CROCC: variants seen among roughly 807,000 people sequenced by gnomAD.
The protein encoded by CROCC is rootletin.
CROCC carries 180 observed loss-of-function variants against 245.2 expected under a neutral mutation model. The observed-to-expected ratio is 0.73, with a 90% CI of 0.65 to 0.83. The LOEUF is 0.83. CROCC is among the 40% of genes least tolerant of loss of function. The pLI is 0.00. For missense variants in CROCC, 2,688 were observed against 2,779.4 expected, an observed-to-expected ratio of 0.97 and a Z score of 0.74; for synonymous variants, 1,205 against 1,241.6, an observed-to-expected ratio of 0.97 and a Z score of 0.62.
chr1:16,937,764 G>A, intron 10 of CROCC, 27 bp downstream of exon 10: 2 of 1,578,324 alleles, frequency 1.3e-6, no homozygotes, highest in East Asian at 2.2e-5. Flanking sequence ...CCTGAGATGG[G>A]GCAGGGTGAG....
intron 27 of CROCC, among the ~76,000 whole-genome samples, chr1:16,961,540 G>A (rs566743905): frequency 6.6e-6 from 1 of 152,060 alleles, no homozygotes; most frequent in South Asian, 2.1e-4. Flanking sequence ...TCAGGGTTGG[G>A]ATTAGAGGCA....
chr1:16,915,883 A>G (rs1184712914), intron 1 of CROCC, among the ~76,000 whole-genome samples: 1 of 152,258 alleles, frequency 6.6e-6, no homozygotes. Context: ...TGAGGAATCA[A>G]GAAGGCCATG....
Position 16,954,291 on chromosome 1 carries a change from G to A in CROCC, c.3255G>A (p.Leu1085=), listed in dbSNP as rs1286698132. ...SEKLMGTRHS[L]ATISLEMERQ... is the part of the protein sequence containing the mutation. ...AGTTGATGGGTACACGGCACAGCCT[G>A]GCCACCATCTCCCTGGAGATGGAGC... Residue 1085 remains leucine (L), a synonymous_variant, in exon 22 of 37, where the codon CTG becomes CTA. Transcript: ENST00000375541. The surrounding 1 kb of genome is among the most constrained non-coding windows in gnomAD (Gnocchi z 4.4). 1 of 1,611,924 alleles carries A rather than the reference G, an allele frequency of 6.2e-7. No homozygotes were observed. Among genetic ancestry groups the A allele is most frequent in the Non-Finnish European group, 8.5e-7 (1 of 1,179,936 alleles).
At chr1:16,967,508 G>A (rs924464814) in intron 30 of CROCC, among the ~76,000 whole-genome samples, 50 of 152,332 alleles carry the variant, frequency 3.3e-4, no homozygotes, top group African/African-American at 1.2e-3. Flanking sequence ...CAGGAACAAA[G>A]CTGGGCAGGA....
intron 13 of CROCC, among the ~76,000 whole-genome samples, 192 bp downstream of exon 13, chr1:16,940,285 G>A (rs1345275581): frequency 6.6e-6 from 1 of 152,240 alleles, no homozygotes; most frequent in African/African-American, 2.4e-5. Context: ...GTGCAGTGGC[G>A]CGATCTCGGC....
chr1:16,923,066 C>A (rs1288677457), intron 2 of CROCC, among the ~76,000 whole-genome samples: 7 of 152,280 alleles, frequency 4.6e-5, no homozygotes, highest in Non-Finnish European at 8.8e-5. Context: ...GAGATGTGAA[C>A]CCCAAATCCC....
In CROCC at chr1:16,972,644, A is replaced by G; in HGVS notation, c.*198A>G. 1.9e-6 allele frequency: 1 copy of G among 515,406 alleles called. No individual in the cohort carries two copies. The highest frequency in any genetic ancestry group is 3.4e-6 in the Non-Finnish European group (1 of 291,680). 31.9% of individuals were successfully genotyped at this position (515,406 alleles called of 1,614,324 possible). A position where few individuals can be genotyped will look rare whatever the true frequency, so the allele number is the denominator to read the frequency against. On this transcript the variant is annotated 3_prime_UTR_variant, in exon 37 of 37. Transcript: ENST00000375541. The stretch of plus-strand genomic sequence containing the variant: ...GGCTTCCCAGCAACACCTGCAGTCC[A>G]GCCCCCCTCTTCTAGGATGAGCCAC...
chr1:16,915,979 G>C (rs566315519), intron 1 of CROCC, among the ~76,000 whole-genome samples: 1 of 152,260 alleles, frequency 6.6e-6, no homozygotes, highest in Non-Finnish European at 1.5e-5. Flanking sequence ...AGGAGTTTAA[G>C]ACCAGCCTGG....
chr1:16,938,541 G>A (rs1294302615), intron 11 of CROCC, 58 bp downstream of exon 11: 32 of 1,471,208 alleles, frequency 2.2e-5, no homozygotes, highest in South Asian at 1.6e-4. Context: ...AGGCTCCCCC[G>A]CCACGTCTTT....
Position 16,930,032 on chromosome 1 carries a change from G to T in CROCC, c.537+1G>T. ...GCTTGTGCAGCGGCTGCAGGGCAAG[G>T]TCAGGACCACCCACTCCTGCTCCTG... On this transcript the variant is annotated splice_donor_variant, in intron 4 of 36. Transcript: ENST00000375541. LOFTEE classifies it high-confidence loss of function. 4 of 1,572,770 alleles carry T rather than the reference G, an allele frequency of 2.5e-6. No individual in the cohort carries two copies.
At chr1:16,961,870 A>T (rs564136026) in intron 27 of CROCC, among the ~76,000 whole-genome samples, 1 of 152,296 alleles carries the variant, frequency 6.6e-6, no homozygotes, top group South Asian at 2.1e-4. Flanking sequence ...CTGGGATTAC[A>T]GGCGTGAGCC....
chr1:16,961,278 C>T, intron 27 of CROCC, 148 bp downstream of exon 27: 2 of 804,576 alleles, frequency 2.5e-6, no homozygotes, highest in East Asian at 3.7e-5. Flanking sequence ...CTTCTTAGCC[C>T]CGTCCCCTCA....
At position 16,969,853 on chromosome 1, in the gene CROCC, G is replaced by A. The variant is rs1422310518; in HGVS notation, c.5370G>A (p.Gln1790=). The A allele has an allele frequency of 2.2e-5, 35 of 1,612,916 alleles. No individual in the cohort carries two copies. The highest frequency in any genetic ancestry group is 2.9e-5 in the Non-Finnish European group (34 of 1,179,552). The change falls in exon 33 of 37, where the codon CAG becomes CAA. Residue 1790 remains glutamine (Q), a synonymous_variant. Coordinates refer to ENST00000375541, the MANE Select transcript of CROCC (RefSeq NM_014675.5). Reference sequence around the variant, plus strand: ...AGCAGAGCAGCTCCCTGGGCGAGCAGGTGCAGACGTTGCGAGGCGAGGTGG... The same window carrying A: ...AGCAGAGCAGCTCCCTGGGCGAGCAAGTGCAGACGTTGCGAGGCGAGGTGG... ...ARKQSSSLGE[Q]VQTLRGEVAD...
At position 16,961,134 on chromosome 1, in the gene CROCC, AG is replaced by A; in HGVS notation, c.4405+7del. 1 of 1,315,682 alleles carries A rather than the reference AG, an allele frequency of 7.6e-7. No individual in the cohort carries two copies. The highest frequency in any genetic ancestry group is 9.7e-7 in the Non-Finnish European group (1 of 1,034,932). The allele number at this position is 1,315,682 out of a possible 1,614,324, so 81.5% of individuals were successfully genotyped here. On this transcript the variant is annotated splice_donor_5th_base_variant and intron_variant, in intron 27 of 36. Coordinates refer to ENST00000375541, the MANE Select transcript of CROCC (RefSeq NM_014675.5). ...GCCCGGGACGCACCCGCAGAAGGTA[AG>A]GGCAGTGCCGCGCGCAGGGAAGGGG... is the stretch of plus-strand genomic sequence containing the variant.
Position 16,970,337 on chromosome 1 carries a change from C to T in CROCC, c.5536C>T (p.Arg1846Cys), listed in dbSNP as rs1020739711. The change falls in exon 34 of 37, where the codon CGC (arginine) becomes TGC (cysteine). Residue 1846 changes from arginine (R) to cysteine (C), a missense_variant. Arg to Cys is a radical substitution (Grantham distance 180). This residue lies in a region of CROCC where 1,218 missense variants were observed against 1,286.3 expected (regional missense o/e 0.95). Coordinates refer to ENST00000375541, the MANE Select transcript of CROCC (RefSeq NM_014675.5). ...LQDERRLLQE[R>C]LGSLQRALAQ... ...AGACGAGCGGCGGCTGCTGCAGGAG[C>T]GCCTGGGAAGCCTGCAGCGCGCCCT... is the stretch of plus-strand genomic sequence containing the variant. 13 of 1,588,310 alleles carry T rather than the reference C, an allele frequency of 8.2e-6. No individual in the cohort carries two copies. The highest frequency in any genetic ancestry group is 4.6e-5 in the East Asian group (2 of 43,394).
Position 16,953,446 on chromosome 1 carries a change from G to A in CROCC, c.3151G>A (p.Glu1051Lys), listed in dbSNP as rs781754347. 7.5e-6 allele frequency: 12 copies of A among 1,609,796 alleles called. No homozygotes were observed. Among genetic ancestry groups the A allele is most frequent in the East Asian group, 2.2e-5 (1 of 44,882 alleles). The change falls in exon 21 of 37, where the codon GAG (glutamate) becomes AAG (lysine). Residue 1051 changes from glutamate (E) to lysine (K), a missense_variant. Glu to Lys is a moderately conservative substitution (Grantham distance 56). Around this residue, in one of 9 missense-constraint regions of CROCC, gnomAD observed 106 missense variants for 126.1 expected, o/e 0.84. Transcript: ENST00000375541. ...EIAALQQERD[E>K]GLLLAESEKQ... is the part of the protein sequence containing the mutation. ...TGCTGCCCTGCAGCAGGAGCGCGAC[G>A]AGGGCCTCCTCCTAGCAGAGAGTGA... is the stretch of plus-strand genomic sequence containing the variant.
Position 16,951,138 on chromosome 1 carries a change from G to A in CROCC, c.3006+16G>A, listed in dbSNP as rs758841693. 1.3e-5 allele frequency: 20 copies of A among 1,491,228 alleles called. No homozygotes were observed. In the South Asian group the frequency reaches 1.5e-4, roughly 11 times the overall value. 92.4% of individuals were successfully genotyped at this position (1,491,228 alleles called of 1,614,324 possible). On this transcript the variant is annotated intron_variant, in intron 20 of 36. Coordinates refer to ENST00000375541, the MANE Select transcript of CROCC (RefSeq NM_014675.5). ...GCGTGAAAAGGTTCAGGCAGCTGGG[G>A]AGGGGTGGGCAGGACTCTGAGCCAG...
intron 1 of CROCC, among the ~76,000 whole-genome samples, chr1:16,914,940 C>T (rs1295467284): frequency 1.4e-4 from 22 of 152,264 alleles, no homozygotes; most frequent in African/African-American, 5.1e-4. Flanking sequence ...TTTTCTTTCG[C>T]TGGGCTCACA....
intron 3 of CROCC, among the ~76,000 whole-genome samples, chr1:16,924,850 C>T (rs1436271415): frequency 1.4e-4 from 21 of 152,236 alleles, no homozygotes; most frequent in Non-Finnish European, 2.9e-4. Context: ...TTGCCACGGG[C>T]CTTGGGGTTG....
Sources: gnomAD v4.1 joint callset for allele counts (sites outside exome capture counted in the v4.1 genomes callset) on GRCh38, gnomAD v4.1.1 for gene constraint, gnomAD v4.1.1 regional missense constraint, Gnocchi (gnomAD v3.1) non-coding constraint, MANE v1.5 for transcripts, NCBI Gene and HGNC (gene_info 2026-07-23, HGNC 2026-07-21) for gene names.